Variants in DGKI observed in about 807,000 individuals in gnomAD.
The protein encoded by DGKI is DAG kinase iota.
DGKI carries 55 observed loss-of-function variants against 147.5 expected under a neutral mutation model. The ratio of observed to expected loss-of-function variants is 0.37; its 90% CI spans 0.30 to 0.47. The LOEUF is 0.47. DGKI is among the 20% of genes least tolerant of loss of function. DGKI has a pLI of 1.00. For synonymous variants in DGKI, 469 were observed against 477.1 expected (o/e 0.98, Z 0.22); for missense variants, 1,007 against 1,323.8 (o/e 0.76, Z 3.71).
At chr7:137,439,029 G>A (rs745984743) in intron 28 of DGKI, among the ~76,000 whole-genome samples, 12 of 152,162 alleles carry the variant, frequency 7.9e-5, no homozygotes, top group Non-Finnish European at 1.8e-4. Context: ...TATTTCTGAA[G>A]GAGAGGGAAG....
intron 20 of DGKI, among the ~76,000 whole-genome samples, chr7:137,524,066 C>T (rs1277938180): frequency 6.6e-6 from 1 of 151,494 alleles, no homozygotes; most frequent in Non-Finnish European, 1.5e-5. Flanking sequence ...CTGATGATCT[C>T]TGTGTGCTGC....
At position 137,514,329 on chromosome 7, in the gene DGKI, G is replaced by C. The variant is rs181614405; in HGVS notation, c.2248+7537C>G. On this transcript the variant is annotated intron_variant, in intron 21 of 32. Coordinates refer to ENST00000614521, the MANE Select transcript of DGKI (RefSeq NM_001321708.2). ...AGATGTCATTATGCAGCTCACATCT[G>C]ACATTCACTTGACCCTATTTGCACA... 3.9e-5 allele frequency among the ~76,000 whole-genome samples: 6 copies of C among 152,262 alleles called. No individual in the cohort carries two copies. The East Asian group carries it at 1.2e-3, about 29-fold the overall frequency.
At chr7:137,545,168 C>T (rs1430384715) in intron 20 of DGKI, among the ~76,000 whole-genome samples, 1 of 152,126 alleles carries the variant, frequency 6.6e-6, no homozygotes, top group Non-Finnish European at 1.5e-5. Flanking sequence ...AATTATACCA[C>T]ATATGGCCAA....
intron 28 of DGKI, among the ~76,000 whole-genome samples, chr7:137,412,938 C>T (rs1731960): frequency 0.96 from 146,392 of 152,228 alleles, 70,656 homozygotes; most frequent in East Asian, 1. Context: ...AAAAAATATA[C>T]GTGTCTAATG....
intron 1 of DGKI, among the ~76,000 whole-genome samples, chr7:137,691,796 G>A (rs1283108077): frequency 1.3e-5 from 1 of 78,178 alleles, no homozygotes; most frequent in Admixed American, 1.4e-4. Context: ...CTAGACCTTT[G>A]GGTTTTTTTT....
At position 137,426,049 on chromosome 7, in the gene DGKI, C is replaced by T. The variant is rs186335393; in HGVS notation, c.2762-13842G>A. Among the ~76,000 whole-genome samples the T allele has an allele frequency of 3.0e-4, 45 of 152,200 alleles. No homozygotes were observed. The East Asian group carries it at 5.2e-3, about 18-fold the overall frequency. On this transcript the variant is annotated intron_variant, in intron 28 of 32. Coordinates refer to ENST00000614521, the MANE Select transcript of DGKI (RefSeq NM_001321708.2). ...ATTCAGACTCAGGAAATACAGAGAA[C>T]GCCACAAAGATACTCCTCGAGAAGA...
At chr7:137,480,229 T>C (rs1815325799) in intron 23 of DGKI, among the ~76,000 whole-genome samples, 1 of 152,186 alleles carries the variant, frequency 6.6e-6, no homozygotes, top group African/African-American at 2.4e-5. Flanking sequence ...AGCTTTAATC[T>C]AGTCCAAAGG....
At chr7:137,510,385 A>G (rs1290841917) in intron 21 of DGKI, among the ~76,000 whole-genome samples, 1 of 152,228 alleles carries the variant, frequency 6.6e-6, no homozygotes, top group Non-Finnish European at 1.5e-5. Flanking sequence ...AGGTCCTAGC[A>G]TGCCCTTGAC....
chr7:137,739,008 T>A (rs1035326131), intron 1 of DGKI, among the ~76,000 whole-genome samples: 4 of 152,118 alleles, frequency 2.6e-5, no homozygotes, highest in Admixed American at 2.6e-4. Flanking sequence ...GACTCCCTCA[T>A]TCAGTCATGT....
intron 1 of DGKI, among the ~76,000 whole-genome samples, chr7:137,695,189 A>G (rs1311299581): frequency 1.3e-5 from 2 of 152,212 alleles, no homozygotes; most frequent in African/African-American, 4.8e-5. Flanking sequence ...AAAGCCCTCC[A>G]GGTATTTCTA....
At chr7:137,536,252 C>T (rs1249800705) in intron 20 of DGKI, among the ~76,000 whole-genome samples, 2 of 152,150 alleles carry the variant, frequency 1.3e-5, no homozygotes, top group African/African-American at 2.4e-5. Context: ...AGGCAAGTTT[C>T]CTACCATTTC....
At chr7:137,530,745 A>G (rs969461660) in intron 20 of DGKI, among the ~76,000 whole-genome samples, 5 of 152,200 alleles carry the variant, frequency 3.3e-5, no homozygotes, top group African/African-American at 1.2e-4. Context: ...ATTGGCCTGA[A>G]TGGGACCACT....
chr7:137,559,706 G>A (rs1460978828), intron 19 of DGKI, among the ~76,000 whole-genome samples: 4 of 150,468 alleles, frequency 2.7e-5, no homozygotes, highest in Non-Finnish European at 4.4e-5. Flanking sequence ...GAGTTTATGA[G>A]AAGCAGGAAA....
At chr7:137,520,840 C>G (rs910988922) in intron 21 of DGKI, among the ~76,000 whole-genome samples, 7 of 152,034 alleles carry the variant, frequency 4.6e-5, no homozygotes, top group African/African-American at 1.7e-4. Flanking sequence ...TCAGATCAGT[C>G]TCAGAAACCA....
At chr7:137,544,114 T>C (rs1430271466) in intron 20 of DGKI, among the ~76,000 whole-genome samples, 2 of 152,130 alleles carry the variant, frequency 1.3e-5, no homozygotes, top group Non-Finnish European at 1.5e-5. Context: ...TATGGACAAT[T>C]TACTTTACTG....
chr7:137,709,596 A>T (rs1169093358), intron 1 of DGKI, among the ~76,000 whole-genome samples: 1 of 152,180 alleles, frequency 6.6e-6, no homozygotes, highest in East Asian at 1.9e-4. Flanking sequence ...AGTATAAAGT[A>T]CTTATGGCTT....
chr7:137,601,614 A>G (rs1768021975), intron 10 of DGKI, among the ~76,000 whole-genome samples: 1 of 152,244 alleles, frequency 6.6e-6, no homozygotes, highest in African/African-American at 2.4e-5. Flanking sequence ...AAGGATGTCC[A>G]CCTTCCAGGG....
In DGKI at chr7:137,756,888, A is replaced by ATTTAAT. The variant is rs1252999982; in HGVS notation, c.402-66892_402-66887dup. Reference sequence around the variant, plus strand: ...CAAGGACCACTAATACCTACCCACAATTTAATTTTCAATTTCTCATCCAGA... The same window carrying ATTTAAT: ...CAAGGACCACTAATACCTACCCACAATTTAATTTTAATTTTCAATTTCTCATCCAGA... On this transcript the variant is annotated intron_variant, in intron 1 of 32. Transcript: ENST00000614521. 2.6e-5 allele frequency among the ~76,000 whole-genome samples: 4 copies of ATTTAAT among 152,236 alleles called. No homozygotes were observed. The East Asian group carries it at 7.7e-4, about 29-fold the overall frequency.
chr7:137,702,359 C>T (rs1345851688), intron 1 of DGKI, among the ~76,000 whole-genome samples: 1 of 152,092 alleles, frequency 6.6e-6, no homozygotes, highest in East Asian at 1.9e-4. Context: ...TCAAGCAATA[C>T]TTCTACTTAC....
Sources: gnomAD v4.1 joint callset for allele counts (sites outside exome capture counted in the v4.1 genomes callset) on GRCh38, gnomAD v4.1.1 for gene constraint, MANE v1.5 for transcripts, NCBI Gene and HGNC (gene_info 2026-07-23, HGNC 2026-07-21) for gene names.